Variants in EYS observed in about 807,000 individuals in gnomAD.
EYS encodes the protein EGF-like photoreceptor maintenance factor.
In EYS, 250 loss-of-function variants were observed where a neutral mutation model predicts 282.1. The ratio of observed to expected loss-of-function variants is 0.89; its 90% confidence interval spans 0.80 to 0.98. The LOEUF (loss-of-function observed/expected upper bound fraction) is 0.98. Ranked by LOEUF, EYS falls within the 50% of genes least tolerant of loss-of-function variation. EYS has a pLI of 0.00. For missense variants in EYS, 4,016 were observed against 3,709.0 expected, an observed-to-expected ratio of 1.08 and a Z score of -2.15; for synonymous variants, 1,355 against 1,282.9, an observed-to-expected ratio of 1.06 and a Z score of -1.20.
chr6:64,416,514 A>G (rs897619859), intron 28 of EYS, among the ~76,000 whole-genome samples: 1 of 131,144 alleles, frequency 7.6e-6, no homozygotes, highest in Non-Finnish European at 1.7e-5. Context: ...ATAAGCCGTT[A>G]GGTCTTTTTT....
intron 8 of EYS, 55 bp downstream of exon 8, chr6:65,384,331 G>T: frequency 1.1e-6 from 1 of 896,606 alleles, no homozygotes; most frequent in East Asian, 2.4e-5. Context: ...TAGACTAACT[G>T]AGTCTATTGT....
chr6:65,503,507 C>CA, intron 2 of EYS, among the ~76,000 whole-genome samples: 1 of 151,660 alleles, frequency 6.6e-6, no homozygotes, highest in South Asian at 2.1e-4. Flanking sequence ...GGTGTTGTAT[C>CA]AAAAAATGTA....
chr6:64,761,524 A>G (rs1403147143), intron 22 of EYS, among the ~76,000 whole-genome samples: 1 of 152,148 alleles, frequency 6.6e-6, no homozygotes, highest in East Asian at 1.9e-4. Flanking sequence ...CTCTGTGGCC[A>G]GGCTGGAATG....
intron 26 of EYS, among the ~76,000 whole-genome samples, chr6:64,506,145 C>G (rs1483616514): frequency 1.3e-5 from 2 of 152,054 alleles, no homozygotes; most frequent in Non-Finnish European, 2.9e-5. Context: ...TATCCCAATA[C>G]AGTATACTGT....
intron 2 of EYS, among the ~76,000 whole-genome samples, chr6:65,622,787 T>A (rs1766562638): frequency 6.6e-6 from 1 of 151,436 alleles, no homozygotes; most frequent in South Asian, 2.1e-4. Flanking sequence ...TGAAACAGTA[T>A]CTCTCTGTCA....
At chr6:64,448,401 G>T (rs1775194370) in intron 26 of EYS, among the ~76,000 whole-genome samples, 1 of 152,242 alleles carries the variant, frequency 6.6e-6, no homozygotes. Context: ...AAGGAGGCCT[G>T]CCTGCCTCTG....
At chr6:65,081,242 T>C (rs1774223208) in intron 12 of EYS, among the ~76,000 whole-genome samples, 2 of 152,030 alleles carry the variant, frequency 1.3e-5, no homozygotes, top group African/African-American at 4.8e-5. Context: ...GTAGCCCCTT[T>C]TAACATTCCT....
At chr6:64,242,213 T>G (rs1427898268) in intron 30 of EYS, among the ~76,000 whole-genome samples, 4 of 152,100 alleles carry the variant, frequency 2.6e-5, no homozygotes, top group Non-Finnish European at 2.9e-5. Flanking sequence ...AAGTCCTGGA[T>G]ATCCTTGTTA....
intron 35 of EYS, among the ~76,000 whole-genome samples, chr6:63,907,980 A>C (rs985544455): frequency 8.0e-6 from 1 of 125,736 alleles, no homozygotes; most frequent in African/African-American, 3.2e-5. Context: ...TATTGACTGT[A>C]TATATGTACA....
At chr6:63,822,247 G>A (rs1771344189) in intron 36 of EYS, 1 of 152,146 alleles carries the variant, frequency 6.6e-6, no homozygotes, top group Admixed American at 6.6e-5. Context: ...CCGAGTAGCT[G>A]GAATTACAGC....
intron 28 of EYS, among the ~76,000 whole-genome samples, chr6:64,427,818 G>A (rs1160802334): frequency 6.6e-6 from 1 of 152,072 alleles, no homozygotes; most frequent in African/African-American, 2.4e-5. Flanking sequence ...ACACAATGAA[G>A]TAGGATATGT....
intron 2 of EYS, among the ~76,000 whole-genome samples, chr6:65,498,883 C>T (rs1338793270): frequency 3.3e-5 from 5 of 151,966 alleles, no homozygotes; most frequent in Non-Finnish European, 7.4e-5. Context: ...AAATGGCATT[C>T]TCCTCAATTC....
At chr6:64,886,977 C>A in intron 18 of EYS, 135 bp from the exon 19 acceptor site, 1 of 650,240 alleles carries the variant, frequency 1.5e-6, no homozygotes, top group Non-Finnish European at 2.4e-6. Context: ...TCATTTTTTT[C>A]TTTGAAAAAA....
At chr6:63,842,517 A>G (rs115317815) in intron 36 of EYS, among the ~76,000 whole-genome samples, 1,917 of 152,326 alleles carry the variant, frequency 0.013, 17 homozygotes, top group Middle Eastern at 0.031. Context: ...GCCCTTGATC[A>G]GATGGATAGG....
intron 13 of EYS, among the ~76,000 whole-genome samples, chr6:65,042,989 G>A (rs894889927): frequency 2.0e-5 from 3 of 151,292 alleles, no homozygotes; most frequent in Non-Finnish European, 3.0e-5. Flanking sequence ...ATTTCCTGAG[G>A]GTCATGTGAA....
At chr6:65,181,521 C>G (rs996130031) in intron 12 of EYS, among the ~76,000 whole-genome samples, 2 of 152,088 alleles carry the variant, frequency 1.3e-5, no homozygotes, top group African/African-American at 2.4e-5. Context: ...TCATCTCACA[C>G]CAGTTAGAAT....
chr6:65,489,693 C>A (rs1225730305), intron 5 of EYS: 1 of 152,038 alleles, frequency 6.6e-6, no homozygotes, highest in Non-Finnish European at 1.5e-5. Flanking sequence ...TACTGCAGCA[C>A]AATTCACAAT....
intron 29 of EYS, among the ~76,000 whole-genome samples, chr6:64,334,304 G>GA (rs1485972817): frequency 6.6e-6 from 1 of 152,118 alleles, no homozygotes; most frequent in African/African-American, 2.4e-5. Flanking sequence ...TGTGTATTAG[G>GA]AAAAATAAGG....
chr6:64,296,448 T>C (rs533335946), intron 30 of EYS, among the ~76,000 whole-genome samples: 2 of 151,598 alleles, frequency 1.3e-5, no homozygotes, highest in Admixed American at 1.3e-4. Flanking sequence ...ACTTATGAGT[T>C]TATCATTTTA....
Sources: gnomAD v4.1 joint callset for allele counts (sites outside exome capture counted in the v4.1 genomes callset) on GRCh38, gnomAD v4.1.1 for gene constraint, MANE v1.5 for transcripts, NCBI Gene and HGNC (gene_info 2026-07-23, HGNC 2026-07-21) for gene names.